COL9A3: variants seen among roughly 807,000 people sequenced by gnomAD.
The protein encoded by COL9A3 is collagen alpha-3(IX) chain.
In COL9A3, 82 loss-of-function variants were observed where a neutral mutation model predicts 110.2. The observed-to-expected ratio is 0.74, with a 90% CI of 0.62 to 0.89. COL9A3 has a LOEUF of 0.89. Ranked by LOEUF, COL9A3 falls within the 40% of genes least tolerant of loss-of-function variation. The pLI, the probability that COL9A3 is intolerant of heterozygous loss-of-function variation, is 0.00. For missense variants in COL9A3, 1,066 were observed against 981.3 expected (o/e 1.09, Z -1.15); for synonymous variants, 494 against 403.8 (o/e 1.22, Z -2.68).
intron 31 of COL9A3, among the ~76,000 whole-genome samples, chr20:62,840,222 G>T (rs1294471038): frequency 7.1e-6 from 1 of 141,410 alleles, no homozygotes; most frequent in Non-Finnish European, 1.5e-5. Flanking sequence ...CCCCCACTCC[G>T]GGCCCCCTGC....
In COL9A3 at chr20:62,829,310, C is replaced by G. The variant is rs973985967; in HGVS notation, c.1009-145C>G. 20 of 1,120,008 alleles carry G rather than the reference C, an allele frequency of 1.8e-5. No individual in the cohort carries two copies. In the African/African-American group the frequency reaches 2.9e-4, roughly 16 times the overall value. The allele number at this position is 1,120,008 out of a possible 1,614,324, so 69.4% of individuals were successfully genotyped here. A position where few individuals can be genotyped will look rare whatever the true frequency, so the allele number is the denominator to read the frequency against. On this transcript the variant is annotated intron_variant, in intron 19 of 31. Transcript: ENST00000649368. ...CAGGGAGGCTGTCAAAGCCGCACCT[C>G]AGGTCCACAAGGCTGGGAGAAGTTG...
chr20:62,837,402 G>A lies in COL9A3; in HGVS notation c.1786+137G>A, dbSNP rs573777715. On this transcript the variant is annotated intron_variant, in intron 30 of 31. Transcript: ENST00000649368. The stretch of plus-strand genomic sequence containing the variant: ...GAACGTGGGGGCCTCTCATGTTTTG[G>A]GGCCTAGCGCAGTTAACTCCTTGGT... The A allele has an allele frequency of 3.8e-4, 333 of 884,288 alleles. 1 individual carries two copies. In the African/African-American group the frequency reaches 4.7e-3, roughly 13 times the overall value. The allele number at this position is 884,288 out of a possible 1,614,324, so 54.8% of individuals were successfully genotyped here. A position where few individuals can be genotyped will look rare whatever the true frequency, so the allele number is the denominator to read the frequency against.
chr20:62,832,380 G>A (rs1432325176), intron 25 of COL9A3, among the ~76,000 whole-genome samples, 191 bp downstream of exon 25: 1 of 152,204 alleles, frequency 6.6e-6, no homozygotes, highest in African/African-American at 2.4e-5. Context: ...AAGCAGCTCT[G>A]GGCACCCAGC....
intron 25 of COL9A3, among the ~76,000 whole-genome samples, chr20:62,832,447 A>C (rs1473354227): frequency 6.6e-5 from 10 of 152,238 alleles, no homozygotes; most frequent in Admixed American, 5.9e-4. Flanking sequence ...AGCTGGCCAG[A>C]GTGTCCCTGC....
Position 62,826,947 on chromosome 20 carries a change from C to G in COL9A3, c.792+127C>G, listed in dbSNP as rs1007603942. ...GTGGCTGAGCTGTTCCCTGGACACCCTGGGAGGGCTTGTGGCATGGGTACG... is the reference window on the plus strand; with the variant it reads ...GTGGCTGAGCTGTTCCCTGGACACCGTGGGAGGGCTTGTGGCATGGGTACG... On this transcript the variant is annotated intron_variant, in intron 15 of 31. Coordinates refer to ENST00000649368, the MANE Select transcript of COL9A3 (RefSeq NM_001853.4). 16 of 1,057,224 alleles carry G rather than the reference C, an allele frequency of 1.5e-5. No homozygotes were observed. The African/African-American group carries it at 2.4e-4, about 16-fold the overall frequency. The allele number at this position is 1,057,224 out of a possible 1,614,324, so 65.5% of individuals were successfully genotyped here. A position where few individuals can be genotyped will look rare whatever the true frequency, so the allele number is the denominator to read the frequency against.
Position 62,817,158 on chromosome 20 carries a change from G to C in COL9A3, c.78+16G>C. ...CGGGGCGCAGGTGAGCGCGAGCTCC[G>C]GGCTCTGAGGCTGGACGTGGAGCCG... On this transcript the variant is annotated intron_variant, in intron 1 of 31. Transcript: ENST00000649368. 7.2e-7 allele frequency: 1 copy of C among 1,382,628 alleles called. No homozygotes were observed. The allele number at this position is 1,382,628 out of a possible 1,614,324, so 85.6% of individuals were successfully genotyped here. A position where few individuals can be genotyped will look rare whatever the true frequency, so the allele number is the denominator to read the frequency against.
intron 16 of COL9A3, 82 bp from the exon 17 acceptor site, chr20:62,827,841 G>T (rs1279918801): frequency 6.8e-7 from 1 of 1,466,394 alleles, no homozygotes. Flanking sequence ...GCTCCTTGGT[G>T]TCCCCGAGCA....
intron 15 of COL9A3, 144 bp from the exon 16 acceptor site, chr20:62,827,097 G>A (rs2063559017): frequency 3.7e-6 from 3 of 806,672 alleles, no homozygotes; most frequent in Non-Finnish European, 6.3e-6. Flanking sequence ...CTCCTGGAGG[G>A]CCCAGGCCTG....
chr20:62,828,690 G>A, intron 17 of COL9A3, 74 bp from the exon 18 acceptor site: 3 of 1,528,394 alleles, frequency 2.0e-6, no homozygotes, highest in South Asian at 2.2e-5. Context: ...GAAGGAGGCT[G>A]CCCCCAGGGC....
chr20:62,830,598 C>A lies in COL9A3; in HGVS notation c.1287+10C>A, dbSNP rs753887242. On this transcript the variant is annotated intron_variant, in intron 24 of 31. Coordinates refer to ENST00000649368, the MANE Select transcript of COL9A3 (RefSeq NM_001853.4). ...TGACGTGGGCGACCGGGTAAGTGGC[C>A]CTCTCAGCAGGAAGCTCCCCTGCAC... is the stretch of plus-strand genomic sequence containing the variant. The A allele has an allele frequency of 1.9e-6, 3 of 1,594,378 alleles. No individual in the cohort carries two copies.
rs747357999 is a variant in COL9A3 at position 62,821,520 on chromosome 20, C to T, written c.359C>T (p.Pro120Leu). The change falls in exon 7 of 32, where the codon CCT becomes CTT. Residue 120 changes from proline (P) to leucine (L), a missense_variant. Pro to Leu is a moderately conservative substitution (Grantham distance 98). Transcript: ENST00000649368. ...TTGGCTTTGCAGGGCAAAGGCCTCC[C>T]TGGACCCCCCGTGAGTACTGACAAC... is the stretch of plus-strand genomic sequence containing the variant. ...GPPGLGGKGL[P>L]GPPGEAGVSG... 2.5e-6 allele frequency: 4 copies of T among 1,612,872 alleles called. No individual in the cohort carries two copies. The highest frequency in any genetic ancestry group is 3.4e-6 in the Non-Finnish European group (4 of 1,179,952).
At chr20:62,833,526 C>T (rs997167330) in intron 26 of COL9A3, among the ~76,000 whole-genome samples, 17 of 151,770 alleles carry the variant, frequency 1.1e-4, no homozygotes, top group African/African-American at 3.9e-4. Flanking sequence ...GCCTCAGCCT[C>T]CCAAGTACCT....
chr20:62,840,491 C>G (rs987476477), intron 31 of COL9A3, 51 bp from the exon 32 acceptor site: 3 of 1,544,126 alleles, frequency 1.9e-6, no homozygotes, highest in Non-Finnish European at 2.7e-6. Flanking sequence ...TCAAGTCCCC[C>G]TGCTTTCAGT....
chr20:62,829,216 T>C (rs1260797459), intron 19 of COL9A3, among the ~76,000 whole-genome samples: 2 of 152,204 alleles, frequency 1.3e-5, no homozygotes, highest in Non-Finnish European at 2.9e-5. Flanking sequence ...AACATGTTGA[T>C]GGCCATCCCT....
chr20:62,828,084 A>G lies in COL9A3; in HGVS notation c.900+108A>G, dbSNP rs6011406. The G allele has an allele frequency of 0.026, 30,236 of 1,153,870 alleles. 1,151 individuals are homozygous for G. The highest frequency in any genetic ancestry group is 0.16 in the African/African-American group (10,592 of 65,926). The allele number at this position is 1,153,870 out of a possible 1,614,324, so 71.5% of individuals were successfully genotyped here. ...GAGCTCAGTGCCCTCTGCTGTGGCC[A>G]TCTTGAAATCTGGGTTAACGGTGGA... On this transcript the variant is annotated intron_variant, in intron 17 of 31. Transcript: ENST00000649368.
chr20:62,827,194 A>G (rs747248273), intron 15 of COL9A3, 47 bp from the exon 16 acceptor site: 74 of 1,606,216 alleles, frequency 4.6e-5, no homozygotes, highest in Non-Finnish European at 6.0e-5. Context: ...CTCTCCGACC[A>G]ACTCCATGGT....
chr20:62,826,097 A>C (rs2063549821), intron 13 of COL9A3, 107 bp from the exon 14 acceptor site: 3 of 1,282,618 alleles, frequency 2.3e-6, no homozygotes, highest in East Asian at 2.5e-5. Context: ...CTGAGGGCTC[A>C]TGGAAGACAC....
rs539459699 is a variant in COL9A3, at chr20:62,840,842, C to G, written c.*110C>G. On this transcript the variant is annotated 3_prime_UTR_variant, in exon 32 of 32. Transcript: ENST00000649368. The stretch of plus-strand genomic sequence containing the variant: ...CGTCCAGGAGAGGGAGCGCCCCTGG[C>G]TGCCCCTCGGCCGCCGACTGGACGC... 7.4e-7 allele frequency: 1 copy of G among 1,344,306 alleles called. No homozygotes were observed. Among genetic ancestry groups the G allele is most frequent in the South Asian group, 1.3e-5 (1 of 78,480 alleles). 83.3% of individuals were successfully genotyped at this position (1,344,306 alleles called of 1,614,324 possible).
intron 21 of COL9A3, 29 bp downstream of exon 21, chr20:62,829,710 C>A: frequency 6.2e-7 from 1 of 1,600,764 alleles, no homozygotes; most frequent in East Asian, 2.3e-5. Context: ...CCAGACCCCT[C>A]CCCATCCAGC....
Sources: gnomAD v4.1 joint callset for allele counts (sites outside exome capture counted in the v4.1 genomes callset) on GRCh38, gnomAD v4.1.1 for gene constraint, MANE v1.5 for transcripts, NCBI Gene and HGNC (gene_info 2026-07-23, HGNC 2026-07-21) for gene names.